The following C4orf50 variants were observed in gnomAD, a reference collection of about 807,000 sequenced individuals.
C4orf50 encodes the protein chromosome 4 open reading frame 50.
C4orf50 carries 80 observed loss-of-function variants against 77.2 expected under a neutral mutation model. The ratio of observed to expected loss-of-function variants is 1.04; its 90% confidence interval spans 0.87 to 1.25. The LOEUF (loss-of-function observed/expected upper bound fraction) is 1.25. Ranked by LOEUF, C4orf50 falls within the 50% of genes most tolerant of loss-of-function variation. The probability of loss-of-function intolerance (pLI) is 0.00; values close to 1 mark genes in which losing one functional copy is unlikely to be tolerated. For missense variants in C4orf50, 1,257 were observed against 1,152.9 expected, an observed-to-expected ratio of 1.09 and a Z score of -1.31; for synonymous variants, 532 against 465.3, an observed-to-expected ratio of 1.14 and a Z score of -1.84.
At chr4:6,014,240 G>A (rs1458777563) in intron 23 of C4orf50, among the ~76,000 whole-genome samples, 3 of 152,138 alleles carry the variant, frequency 2.0e-5, no homozygotes, top group Non-Finnish European at 4.4e-5. Context: ...GACCTCAGGT[G>A]ATCAGCCCGC....
At position 5,931,209 on chromosome 4, in the gene C4orf50, A is replaced by G. The variant is rs1425009093; in HGVS notation, c.*2474+25692T>C. 2.6e-5 allele frequency among the ~76,000 whole-genome samples: 4 copies of G among 152,176 alleles called. No homozygotes were observed. The East Asian group carries it at 7.7e-4, about 29-fold the overall frequency. ...TCCCTGCAGACTCAAAGTCCAGGCT[A>G]CTTGGCTGGTGTGTTCCCATGACCT... On this transcript the variant is annotated intron_variant, in intron 7 of 7. Coordinates refer to the C4orf50 transcript ENST00000324058.
In C4orf50 at chr4:5,992,381, G is replaced by A. The variant is rs1231266893; in HGVS notation, c.1221+422C>T. Among the ~76,000 whole-genome samples, 3 of 152,054 alleles carry A rather than the reference G, an allele frequency of 2.0e-5. No individual in the cohort carries two copies. The highest frequency in any genetic ancestry group is 2.0e-4 in the Admixed American group (3 of 15,276). On this transcript the variant is annotated intron_variant, in intron 27 of 33. Transcript: ENST00000531445. The surrounding 1 kb of genome is among the most constrained non-coding windows in gnomAD (Gnocchi z 5.0). ...CCATGGGAGGTGAGTTGGGACGCAG[G>A]CTCCTGACCCTCAGGGCCAGCATGG...
Position 5,970,124 on chromosome 4 carries a change from A to C in C4orf50, c.4105-2662T>G, listed in dbSNP as rs568009048. The stretch of plus-strand genomic sequence containing the variant: ...TCATTTCATGCTTGTGAATATCAAC[A>C]GCGTAGGTCCAGGCAAAACACAGGA... On this transcript the variant is annotated intron_variant, in intron 31 of 33. Transcript: ENST00000531445. The surrounding 1 kb of genome is among the most constrained non-coding windows in gnomAD (Gnocchi z 4.3). 1.3e-5 allele frequency among the ~76,000 whole-genome samples: 2 copies of C among 150,404 alleles called. No individual in the cohort carries two copies. Among genetic ancestry groups the C allele is most frequent in the South Asian group, 4.2e-4 (2 of 4,732 alleles).
At chr4:5,926,674 C>G (rs1246250925) in intron 7 of C4orf50, among the ~76,000 whole-genome samples, 1 of 151,942 alleles carries the variant, frequency 6.6e-6, no homozygotes, top group Non-Finnish European at 1.5e-5. Flanking sequence ...TGTCCCCGGG[C>G]CCACAGACCA....
At chr4:5,942,819 C>T (rs781678607) in intron 7 of C4orf50, among the ~76,000 whole-genome samples, 26 of 152,132 alleles carry the variant, frequency 1.7e-4, no homozygotes, top group Non-Finnish European at 3.7e-4. Flanking sequence ...ATGAGAAATG[C>T]TTTAAATATC....
At chr4:5,967,295 C>T (rs561778492) in intron 32 of C4orf50, 119 bp downstream of exon 10, 6 of 813,922 alleles carry the variant, frequency 7.4e-6, no homozygotes, top group African/African-American at 6.7e-5. Context: ...GGTCCTGTTC[C>T]TTTTAGTAGC....
rs536332436 is a variant in C4orf50 at position 6,000,460 on chromosome 4, T to G, written c.964-5984A>C. Among the ~76,000 whole-genome samples the G allele has an allele frequency of 2.0e-5, 3 of 152,316 alleles. No homozygotes were observed. The highest frequency in any genetic ancestry group is 2.0e-4 in the Admixed American group (3 of 15,308). Reference sequence around the variant, plus strand: ...ATTCTTCCTTTCCAGGCAGCCCTTTTTGACCTCAAGATGCTGTTTGTGGGC... The same window carrying G: ...ATTCTTCCTTTCCAGGCAGCCCTTTGTGACCTCAAGATGCTGTTTGTGGGC... On this transcript the variant is annotated intron_variant, in intron 25 of 33. Transcript: ENST00000531445. This position sits in a 1 kb window ranked among gnomAD's most constrained non-coding sequence, Gnocchi z 6.0.
intron 7 of C4orf50, among the ~76,000 whole-genome samples, chr4:5,949,744 TG>T (rs1382277618): frequency 6.6e-6 from 1 of 152,180 alleles, no homozygotes; most frequent in Non-Finnish European, 1.5e-5. Flanking sequence ...CCCAGCACTG[TG>T]GGAAGCCAAG....
At chr4:6,016,799 TA>T (rs1722700694) in intron 23 of C4orf50, among the ~76,000 whole-genome samples, 2 of 152,170 alleles carry the variant, frequency 1.3e-5, no homozygotes, top group African/African-American at 2.4e-5. Context: ...TCTTCATGCA[TA>T]AAACTTTACC....
At chr4:5,923,721 C>A (rs1560543699) in intron 7 of C4orf50, among the ~76,000 whole-genome samples, 1 of 152,214 alleles carries the variant, frequency 6.6e-6, no homozygotes, top group Non-Finnish European at 1.5e-5. Context: ...TAGACTTAGG[C>A]CACACACATT....
At position 6,000,163 on chromosome 4, in the gene C4orf50, C is replaced by A. The variant is rs1014288786; in HGVS notation, c.964-5687G>T. Among the ~76,000 whole-genome samples, 3 of 151,470 alleles carry A rather than the reference C, an allele frequency of 2.0e-5. No individual in the cohort carries two copies. Among genetic ancestry groups the A allele is most frequent in the Non-Finnish European group, 4.4e-5 (3 of 67,820 alleles). ...TCGGTCCTCCTGGGTCACTCCCAGT[C>A]CTTTGAAGATGCACTGGCAGCCTTG... On this transcript the variant is annotated intron_variant, in intron 25 of 33. Transcript: ENST00000531445. This position sits in a 1 kb window ranked among gnomAD's most constrained non-coding sequence, Gnocchi z 6.0.
intron 7 of C4orf50, among the ~76,000 whole-genome samples, chr4:5,922,619 A>G (rs1291464516): frequency 1.3e-5 from 2 of 152,170 alleles, no homozygotes; most frequent in African/African-American, 4.8e-5. Context: ...TAAACTGCCT[A>G]TCTAACCATC....
intron 28 of C4orf50, among the ~76,000 whole-genome samples, chr4:5,986,190 T>G (rs1435568752): frequency 6.6e-6 from 1 of 152,170 alleles, no homozygotes; most frequent in East Asian, 1.9e-4. Flanking sequence ...AATCAAACAA[T>G]GTTCATTCTT....
intron 33 of C4orf50, among the ~76,000 whole-genome samples, chr4:5,960,992 G>A (rs59059472): frequency 0.03 from 4,565 of 152,188 alleles, 227 homozygotes; most frequent in African/African-American, 0.1. Context: ...TACTAAAGCC[G>A]CTACCTGTCC....
At chr4:5,986,121 C>T (rs942677149) in intron 28 of C4orf50, among the ~76,000 whole-genome samples, 3 of 152,106 alleles carry the variant, frequency 2.0e-5, no homozygotes, top group African/African-American at 4.8e-5. Context: ...AACATATCAG[C>T]AAAGATAGAA....
intron 25 of C4orf50, among the ~76,000 whole-genome samples, chr4:6,003,525 T>C (rs1164170219): frequency 6.7e-6 from 1 of 149,114 alleles, no homozygotes; most frequent in African/African-American, 2.5e-5. Context: ...GTGATGATGA[T>C]GTGGTGGTGA....
intron 30 of C4orf50, among the ~76,000 whole-genome samples, chr4:5,974,718 TTA>T (rs1443889010): frequency 1.3e-5 from 2 of 152,204 alleles, no homozygotes; most frequent in African/African-American, 4.8e-5. Flanking sequence ...ATGAAATGTG[TTA>T]CCTTGACCAA....
chr4:6,003,378 A>G (rs1417814748), intron 25 of C4orf50, among the ~76,000 whole-genome samples: 1 of 152,252 alleles, frequency 6.6e-6, no homozygotes, highest in African/African-American at 2.4e-5. Context: ...TTTACCCAAC[A>G]TCCTACTAGA....
chr4:5,967,383 C>G, intron 32 of C4orf50, 31 bp downstream of exon 10: 1 of 1,595,640 alleles, frequency 6.3e-7, no homozygotes, highest in Non-Finnish European at 8.6e-7. Flanking sequence ...TCTGAGCACA[C>G]AGGCTTTTCC....
Sources: allele counts gnomAD v4.1 joint callset (sites outside exome capture counted in the v4.1 genomes callset), GRCh38; gene constraint gnomAD v4.1.1; non-coding constraint Gnocchi (gnomAD v3.1); transcripts MANE v1.5; gene names NCBI Gene and HGNC (gene_info 2026-07-23, HGNC 2026-07-21).